Variants in ADARB2 observed in about 807,000 individuals in gnomAD.
ADARB2 encodes adenosine deaminase RNA specific B2 (inactive).
ADARB2 carries 25 observed loss-of-function variants against 62.2 expected under a neutral mutation model. That is an observed-to-expected ratio of 0.40 (90% confidence interval 0.29 to 0.56). The LOEUF is 0.56. Ranked by LOEUF, ADARB2 falls within the 20% of genes least tolerant of loss-of-function variation. The probability of loss-of-function intolerance (pLI) is 0.43; values close to 1 mark genes in which losing one functional copy is unlikely to be tolerated. For missense variants in ADARB2, 1,071 were observed against 1,077.4 expected, an observed-to-expected ratio of 0.99 and a Z score of 0.08; for synonymous variants, 572 against 500.8, an observed-to-expected ratio of 1.14 and a Z score of -1.90.
chr10:1,431,252 G>A (rs1830775269), intron 1 of ADARB2, among the ~76,000 whole-genome samples: 1 of 152,094 alleles, frequency 6.6e-6, no homozygotes, highest in Non-Finnish European at 1.5e-5. Flanking sequence ...TGACCATAAA[G>A]GAATTAAACC....
At chr10:1,323,681 T>C (rs1831818100) in intron 3 of ADARB2, among the ~76,000 whole-genome samples, 1 of 151,894 alleles carries the variant, frequency 6.6e-6, no homozygotes, top group Admixed American at 6.6e-5. Flanking sequence ...GGTAATTCAG[T>C]GGAGGAAACA....
At chr10:1,278,151 G>A (rs1038972665) in intron 3 of ADARB2, among the ~76,000 whole-genome samples, 10 of 152,034 alleles carry the variant, frequency 6.6e-5, no homozygotes, top group Admixed American at 6.6e-4. Context: ...AGTTTATTTT[G>A]TACTTTTTAG....
chr10:1,730,685 A>G (rs1835219344), intron 1 of ADARB2, among the ~76,000 whole-genome samples: 1 of 152,164 alleles, frequency 6.6e-6, no homozygotes. Flanking sequence ...ATAGGAATGC[A>G]TGATTTATTG....
chr10:1,549,933 T>C (rs1832590487), intron 1 of ADARB2, among the ~76,000 whole-genome samples: 1 of 152,186 alleles, frequency 6.6e-6, no homozygotes, highest in Non-Finnish European at 1.5e-5. Context: ...CCAGGAAGCC[T>C]TGAGTTTCTG....
intron 6 of ADARB2, among the ~76,000 whole-genome samples, chr10:1,231,219 A>G (rs1201883766): frequency 6.6e-6 from 1 of 152,176 alleles, no homozygotes; most frequent in Admixed American, 6.5e-5. Context: ...ACCAACCCCA[A>G]GCATTTGGCG....
At chr10:1,626,116 A>G (rs56074415) in intron 1 of ADARB2, among the ~76,000 whole-genome samples, 178 of 76,646 alleles carry the variant, frequency 2.3e-3, no homozygotes, top group Middle Eastern at 0.014. Flanking sequence ...GACCTCAGAC[A>G]CTAACCCCAC....
chr10:1,296,883 G>C (rs1253027711), intron 3 of ADARB2, among the ~76,000 whole-genome samples: 2 of 152,110 alleles, frequency 1.3e-5, no homozygotes, highest in South Asian at 2.1e-4. Context: ...TCTGCTCCCA[G>C]CCTGGCTCCT....
chr10:1,621,226 A>G (rs1833700373), intron 1 of ADARB2, among the ~76,000 whole-genome samples: 1 of 152,210 alleles, frequency 6.6e-6, no homozygotes, highest in Non-Finnish European at 1.5e-5. Context: ...AATCTGATAG[A>G]ATCAACAAAA....
chr10:1,508,739 C>T (rs1487032606), intron 1 of ADARB2, among the ~76,000 whole-genome samples: 1 of 152,188 alleles, frequency 6.6e-6, no homozygotes, highest in African/African-American at 2.4e-5. Context: ...GCTGAGATCA[C>T]ACCACTACAC....
intron 2 of ADARB2, among the ~76,000 whole-genome samples, chr10:1,371,730 A>C (rs1354132178): frequency 2.0e-4 from 31 of 151,560 alleles, no homozygotes; most frequent in Admixed American, 2.0e-3. Flanking sequence ...AATGCAAATT[A>C]AAATCACACT....
At chr10:1,383,042 G>A (rs1353249059) in intron 1 of ADARB2, among the ~76,000 whole-genome samples, 1 of 152,156 alleles carries the variant, frequency 6.6e-6, no homozygotes, top group African/African-American at 2.4e-5. Flanking sequence ...TTTAATGTAC[G>A]ACTTGTAAGT....
At position 1,180,040 on chromosome 10, in the gene ADARB2, T is replaced by C. The variant is rs900568919; in HGVS notation, c.*3153A>G. On this transcript the variant is annotated 3_prime_UTR_variant, in exon 10 of 10. Transcript: ENST00000381312. ...ATGGGTGGCCACTCTTAAGACCAAT[T>C]CAGTGGTCAAAACTGCAGGGCAGAC... The C allele has an allele frequency of 6.6e-6, 1 of 152,124 alleles. No individual in the cohort carries two copies. The highest frequency in any genetic ancestry group is 2.4e-5 in the African/African-American group (1 of 41,398). 9.4% of individuals were successfully genotyped at this position (152,124 alleles called of 1,614,324 possible).
chr10:1,336,019 T>G (rs959677682), intron 3 of ADARB2, among the ~76,000 whole-genome samples: 1 of 152,260 alleles, frequency 6.6e-6, no homozygotes, highest in Non-Finnish European at 1.5e-5. Flanking sequence ...AATTAGCTCT[T>G]ATTCAAAAAT....
intron 1 of ADARB2, among the ~76,000 whole-genome samples, chr10:1,656,078 C>A (rs985221081): frequency 7.9e-5 from 12 of 152,168 alleles, no homozygotes; most frequent in African/African-American, 2.9e-4. Context: ...AGAGTAAAGT[C>A]TTTATAAAAT....
At chr10:1,729,197 A>C (rs1449656945) in intron 1 of ADARB2, among the ~76,000 whole-genome samples, 1 of 152,226 alleles carries the variant, frequency 6.6e-6, no homozygotes, top group Admixed American at 6.5e-5. Context: ...TAGGCTACCT[A>C]TGTTTTTCTT....
chr10:1,702,583 G>A (rs1181246769), intron 1 of ADARB2, among the ~76,000 whole-genome samples: 1 of 152,208 alleles, frequency 6.6e-6, no homozygotes, highest in Admixed American at 6.5e-5. Flanking sequence ...AGCGATGGCT[G>A]CTAATCCACA....
intron 3 of ADARB2, among the ~76,000 whole-genome samples, chr10:1,353,113 C>T (rs1218083977): frequency 1.3e-5 from 2 of 152,190 alleles, no homozygotes; most frequent in Non-Finnish European, 2.9e-5. Context: ...AGGCCCCCTC[C>T]CTTCCCTACA....
chr10:1,261,844 T>C (rs1831140451), intron 4 of ADARB2, among the ~76,000 whole-genome samples: 2 of 149,898 alleles, frequency 1.3e-5, no homozygotes, highest in African/African-American at 5.1e-5. Flanking sequence ...CATGCACACG[T>C]ATGTTTATTG....
intron 1 of ADARB2, among the ~76,000 whole-genome samples, chr10:1,712,623 T>C (rs1238280191): frequency 8.2e-6 from 1 of 121,294 alleles, no homozygotes; most frequent in African/African-American, 3.3e-5. Flanking sequence ...TTTTTTTTTT[T>C]TGAAACGGAG....
Sources: gnomAD v4.1 joint callset for allele counts (sites outside exome capture counted in the v4.1 genomes callset) on GRCh38, gnomAD v4.1.1 for gene constraint, MANE v1.5 for transcripts, NCBI Gene and HGNC (gene_info 2026-07-23, HGNC 2026-07-21) for gene names.